Variants in TUSC3 observed in about 807,000 individuals in gnomAD.
TUSC3 encodes the protein dolichyl-diphosphooligosaccharide--protein glycosyltransferase subunit TUSC3.
A neutral mutation model predicts 44.8 loss-of-function variants in TUSC3; 45 were observed. The ratio of observed to expected loss-of-function variants is 1.00; its 90% CI spans 0.79 to 1.29. The LOEUF (loss-of-function observed/expected upper bound fraction) is 1.29, where lower values mean the gene tolerates loss of function less well. Among genes scored for constraint, TUSC3 ranks in the 50% most tolerant of loss-of-function variants. TUSC3 has a pLI of 0.00. For synonymous variants in TUSC3, 212 were observed against 152.9 expected, an observed-to-expected ratio of 1.39 and a Z score of -2.85; for missense variants, 519 against 437.9, an observed-to-expected ratio of 1.19 and a Z score of -1.65.
At chr8:15,548,269 G>T (rs1801942602) in intron 1 of TUSC3, among the ~76,000 whole-genome samples, 1 of 151,792 alleles carries the variant, frequency 6.6e-6, no homozygotes, top group Admixed American at 6.6e-5. Context: ...ACAGTAGATT[G>T]GTTTGGTTTA....
chr8:15,478,508 A>G (rs1800613357), intron 1 of TUSC3, among the ~76,000 whole-genome samples: 1 of 152,084 alleles, frequency 6.6e-6, no homozygotes, highest in Non-Finnish European at 1.5e-5. Context: ...ACTCCCACTC[A>G]TAAGTGAGAA....
chr8:15,581,518 G>T (rs1395145129), intron 1 of TUSC3, among the ~76,000 whole-genome samples: 6 of 147,668 alleles, frequency 4.1e-5, no homozygotes, highest in Admixed American at 4.0e-4. Context: ...CTTTCTGTTT[G>T]TTAGTTTTCC....
intron 6 of TUSC3, among the ~76,000 whole-genome samples, chr8:15,711,387 A>G (rs976227304): frequency 6.6e-6 from 1 of 151,494 alleles, no homozygotes; most frequent in African/African-American, 2.4e-5. Context: ...TGCCATTGAT[A>G]ATTTAGTTTA....
At chr8:15,769,040 C>T (rs1361101382), downstream of TUSC3, among the ~76,000 whole-genome samples, 2 of 152,144 alleles carry the variant, frequency 1.3e-5, no homozygotes, top group Non-Finnish European at 1.5e-5. Context: ...ATCAACCTGC[C>T]ATTGACTTTC....
intron 1 of TUSC3, among the ~76,000 whole-genome samples, chr8:15,609,753 T>TA (rs72295454): frequency 6.0e-5 from 9 of 150,452 alleles, no homozygotes; most frequent in Non-Finnish European, 7.4e-5. Context: ...AACAAACATT[T>TA]AAAAAAAAAC....
chr8:15,670,649 A>G (rs981058642), intron 5 of TUSC3, among the ~76,000 whole-genome samples: 1 of 151,926 alleles, frequency 6.6e-6, no homozygotes, highest in Non-Finnish European at 1.5e-5. Flanking sequence ...AACAGAACAT[A>G]AGAAGTGGTA....
intron 1 of TUSC3, among the ~76,000 whole-genome samples, chr8:15,582,687 T>C (rs914022916): frequency 2.0e-5 from 3 of 152,146 alleles, no homozygotes; most frequent in African/African-American, 7.2e-5. Flanking sequence ...GAGAATGTAA[T>C]TCTCTGCAAG....
At chr8:15,469,454 C>T (rs565242749) in intron 1 of TUSC3, among the ~76,000 whole-genome samples, 2 of 152,222 alleles carry the variant, frequency 1.3e-5, no homozygotes, top group East Asian at 1.9e-4. Flanking sequence ...ACAAAAGATG[C>T]CACTGCAAAG....
Position 15,616,142 on chromosome 8 carries a change from T to G in TUSC3, c.139-6938T>G, listed in dbSNP as rs188657970. ...TGTGGTATAGGAATAGGTTCAGAAA[T>G]GAAGACTCTTAAAGAATAAAAGTAG... On this transcript the variant is annotated intron_variant, in intron 1 of 10. Transcript: ENST00000503731. Among the ~76,000 whole-genome samples the G allele has an allele frequency of 4.9e-4, 75 of 152,280 alleles. 4 individuals carry two copies. In the East Asian group the frequency reaches 7.9e-3, roughly 16 times the overall value.
Position 15,421,559 on chromosome 8 carries a change from T to G in TUSC3, n.91+4254T>G, listed in dbSNP as rs1799737293. 2.0e-5 allele frequency among the ~76,000 whole-genome samples: 3 copies of G among 152,300 alleles called. 1 individual carries two copies. In the South Asian group the frequency reaches 6.2e-4, roughly 32 times the overall value. On this transcript the variant is annotated intron_variant and non_coding_transcript_variant, in intron 1 of 5. Coordinates refer to the TUSC3 transcript ENST00000503191. ...TATCACTTATTGCCATCTGAAACAC[T>G]GTAAAATTTATTTGTTTTAGTTATT...
chr8:15,525,186 T>C (rs1408007070), intron 2 of TUSC3, among the ~76,000 whole-genome samples: 4 of 152,202 alleles, frequency 2.6e-5, no homozygotes, highest in Non-Finnish European at 1.5e-5. Context: ...ATGCCTTTCT[T>C]GGCCACTTCT....
intron 2 of TUSC3, among the ~76,000 whole-genome samples, chr8:15,530,866 T>G (rs1031751812): frequency 1.3e-5 from 2 of 152,194 alleles, no homozygotes; most frequent in Admixed American, 6.5e-5. Flanking sequence ...GAGAAAGAAC[T>G]GAGCAGCTCC....
chr8:15,459,128 T>A (rs1427322750), intron 1 of TUSC3, among the ~76,000 whole-genome samples: 1 of 152,194 alleles, frequency 6.6e-6, no homozygotes, highest in Non-Finnish European at 1.5e-5. Flanking sequence ...TTGATTTTTT[T>A]AAAGTCCTGC....
the TUSC3 span, among the ~76,000 whole-genome samples, chr8:15,811,423 G>A: frequency 3.7e-3 from 560 of 152,272 alleles, 3 homozygotes; most frequent in African/African-American, 0.013. Flanking sequence ...TTTCACAGAT[G>A]TTTAGGGGTC....
chr8:15,841,662 T>C, the TUSC3 span, among the ~76,000 whole-genome samples: 6 of 152,044 alleles, frequency 3.9e-5, no homozygotes, highest in African/African-American at 1.4e-4. Context: ...TACAGGCACA[T>C]GCCCCCACAC....
At chr8:15,832,932 G>A in the TUSC3 span, among the ~76,000 whole-genome samples, 9 of 152,224 alleles carry the variant, frequency 5.9e-5, no homozygotes, top group Admixed American at 5.2e-4. Flanking sequence ...TTAAATGGAT[G>A]TGATAGATAT....
intron 1 of TUSC3, among the ~76,000 whole-genome samples, chr8:15,423,979 T>TGTG (rs1563247199): frequency 9.1e-6 from 1 of 110,068 alleles, no homozygotes. Flanking sequence ...GTTTTTTTTT[T>TGTG]TTTTTTTTTT....
the TUSC3 span, among the ~76,000 whole-genome samples, chr8:15,807,577 A>T: frequency 5.3e-5 from 8 of 152,210 alleles, no homozygotes; most frequent in Non-Finnish European, 1.0e-4. Context: ...TTTTATGTTC[A>T]TAACAGTGCT....
At chr8:15,694,751 G>A (rs1024979727) in intron 6 of TUSC3, among the ~76,000 whole-genome samples, 5 of 152,154 alleles carry the variant, frequency 3.3e-5, no homozygotes, top group African/African-American at 9.7e-5. Context: ...CTGGGGGGCT[G>A]GTTTCAGGCC....
Sources: gnomAD v4.1 joint callset for allele counts (sites outside exome capture counted in the v4.1 genomes callset) on GRCh38, gnomAD v4.1.1 for gene constraint, MANE v1.5 for transcripts, NCBI Gene and HGNC (gene_info 2026-07-23, HGNC 2026-07-21) for gene names.